The following NFIA variants were observed in gnomAD, a reference collection of about 807,000 sequenced individuals.
NFIA encodes the protein nuclear factor I A.
In NFIA, 8 loss-of-function variants were observed where a neutral mutation model predicts 62.8. The observed-to-expected ratio is 0.13, with a 90% confidence interval of 0.07 to 0.23. NFIA has a LOEUF of 0.23. Ranked by LOEUF, NFIA falls within the 10% of genes least tolerant of loss-of-function variation. The pLI is 1.00. For missense variants in NFIA, 410 were observed against 642.1 expected (o/e 0.64, Z 3.91); for synonymous variants, 235 against 238.1 (o/e 0.99, Z 0.12).
rs555635838 is a variant in NFIA at position 61,166,864 on chromosome 1, G to A, written c.559+78184G>A. On this transcript the variant is annotated intron_variant, in intron 2 of 10. Transcript: ENST00000403491. ...TTACATCTTTTCCTTCCTTCTGGCC[G>A]GGCGCAGTGGCTCACGCCTGTAATC... is the stretch of plus-strand genomic sequence containing the variant. Among the ~76,000 whole-genome samples the A allele has an allele frequency of 4.6e-5, 7 of 152,288 alleles. No individual in the cohort carries two copies. The South Asian group carries it at 6.2e-4, about 14-fold the overall frequency.
intron 2 of NFIA, among the ~76,000 whole-genome samples, chr1:61,254,915 G>A (rs751864966): frequency 6.6e-6 from 1 of 152,200 alleles, no homozygotes; most frequent in Non-Finnish European, 1.5e-5. Context: ...TGTAAGGGGG[G>A]CTTATTATGT....
intron 2 of NFIA, among the ~76,000 whole-genome samples, chr1:61,268,698 T>G (rs997256137): frequency 7.2e-5 from 11 of 152,178 alleles, no homozygotes; most frequent in African/African-American, 2.7e-4. Flanking sequence ...AGAATTAAAT[T>G]AGATATCTAA....
intron 1 of NFIA, among the ~76,000 whole-genome samples, chr1:61,084,243 C>T (rs1646178386): frequency 6.6e-6 from 1 of 152,172 alleles, no homozygotes. Context: ...TCGCTCTCCT[C>T]TCTAGATTCT....
chr1:61,282,783 A>G (rs1658216922), intron 3 of NFIA, among the ~76,000 whole-genome samples: 1 of 152,214 alleles, frequency 6.6e-6, no homozygotes. Context: ...TCTATTTGCC[A>G]TTTCTCATCA....
At chr1:61,344,906 A>G (rs1313095584) in intron 4 of NFIA, among the ~76,000 whole-genome samples, 1 of 152,208 alleles carries the variant, frequency 6.6e-6, no homozygotes, top group Non-Finnish European at 1.5e-5. Flanking sequence ...TCTCTGGTGG[A>G]TGGCAGAAGT....
At chr1:61,328,876 C>T (rs1221781978) in intron 3 of NFIA, among the ~76,000 whole-genome samples, 5 of 151,264 alleles carry the variant, frequency 3.3e-5, no homozygotes, top group African/African-American at 1.2e-4. Context: ...GTACACGTCA[C>T]TACAGCCGGC....
chr1:61,358,253 A>G (rs928523526), intron 5 of NFIA, among the ~76,000 whole-genome samples: 1 of 151,984 alleles, frequency 6.6e-6, no homozygotes, highest in African/African-American at 2.4e-5. Flanking sequence ...TATTTAGAGC[A>G]GGACCTGGAC....
At chr1:61,278,806 G>A (rs149801881) in intron 3 of NFIA, among the ~76,000 whole-genome samples, 72 of 151,138 alleles carry the variant, frequency 4.8e-4, no homozygotes, top group Middle Eastern at 7.6e-3. Context: ...GCGGGGCGGC[G>A]GAAGCTCAGG....
At chr1:61,196,015 ATGT>A (rs1651964153) in intron 2 of NFIA, among the ~76,000 whole-genome samples, 1 of 152,164 alleles carries the variant, frequency 6.6e-6, no homozygotes. Context: ...GAATCCACTA[ATGT>A]TGTTTGCAAA....
chr1:61,440,720 C>G (rs968666647), intron 10 of NFIA, among the ~76,000 whole-genome samples: 1 of 150,482 alleles, frequency 6.6e-6, no homozygotes, highest in African/African-American at 2.4e-5. Flanking sequence ...TGCCAGATTC[C>G]TTTTTCCACA....
intron 2 of NFIA, among the ~76,000 whole-genome samples, chr1:61,177,314 A>G (rs570088442): frequency 3.3e-5 from 5 of 152,286 alleles, no homozygotes; most frequent in Non-Finnish European, 5.9e-5. Context: ...TTATCCGGAG[A>G]TAGTTCAAAG....
At chr1:61,380,336 A>G (rs557423377) in intron 6 of NFIA, among the ~76,000 whole-genome samples, 7 of 152,332 alleles carry the variant, frequency 4.6e-5, no homozygotes, top group African/African-American at 1.7e-4. Flanking sequence ...TTTTTTTAAA[A>G]ATCTGGTACT....
chr1:61,406,542 T>TGGGGGGGC lies in NFIA; in HGVS notation c.1255-19_1255-18insGGGGGGCG. On this transcript the variant is annotated intron_variant, in intron 8 of 10. Coordinates refer to ENST00000403491, the MANE Select transcript of NFIA (RefSeq NM_001134673.4). ...TTCTTTTTCTTGTACGTGTGTTTTC[T>TGGGGGGGC]GCCCCCCCCCCCCCCACAGCCCAAT... 1 of 1,253,830 alleles carries TGGGGGGGC rather than the reference T, an allele frequency of 8.0e-7. No homozygotes were observed. Among genetic ancestry groups the TGGGGGGGC allele is most frequent in the Non-Finnish European group, 1.1e-6 (1 of 931,744 alleles). 77.7% of individuals were successfully genotyped at this position (1,253,830 alleles called of 1,614,324 possible). A position where few individuals can be genotyped will look rare whatever the true frequency, so the allele number is the denominator to read the frequency against.
intron 4 of NFIA, among the ~76,000 whole-genome samples, chr1:61,346,694 C>A (rs1042041828): frequency 6.6e-6 from 1 of 152,168 alleles, no homozygotes; most frequent in Admixed American, 6.5e-5. Context: ...GATTTCCCCA[C>A]CTCCAGAATC....
chr1:61,271,750 G>A (rs1418131647), intron 2 of NFIA, among the ~76,000 whole-genome samples: 1 of 152,154 alleles, frequency 6.6e-6, no homozygotes, highest in African/African-American at 2.4e-5. Flanking sequence ...TTCGATAAAG[G>A]ACTTACTCTG....
chr1:61,395,563 G>A (rs1004040644), intron 7 of NFIA, among the ~76,000 whole-genome samples: 1 of 151,988 alleles, frequency 6.6e-6, no homozygotes, highest in African/African-American at 2.4e-5. Context: ...CAGTAGTATC[G>A]CTTACATGTT....
chr1:61,259,795 T>C (rs1656643158), intron 2 of NFIA, among the ~76,000 whole-genome samples: 1 of 152,220 alleles, frequency 6.6e-6, no homozygotes, highest in Admixed American at 6.5e-5. Context: ...TTCAAATATT[T>C]GGTAGAAAGC....
At chr1:61,183,769 C>G (rs1248940751) in intron 2 of NFIA, among the ~76,000 whole-genome samples, 1 of 152,110 alleles carries the variant, frequency 6.6e-6, no homozygotes, top group Non-Finnish European at 1.5e-5. Context: ...AGGGAGAGAC[C>G]TCCGTGCCTT....
intron 4 of NFIA, among the ~76,000 whole-genome samples, chr1:61,333,215 T>C (rs191928025): frequency 2.0e-5 from 3 of 152,288 alleles, no homozygotes; most frequent in Admixed American, 2.0e-4. Context: ...AAATTTTATT[T>C]TGTTTTACTC....
Sources: allele counts gnomAD v4.1 joint callset (sites outside exome capture counted in the v4.1 genomes callset), GRCh38; gene constraint gnomAD v4.1.1; transcripts MANE v1.5; gene names NCBI Gene and HGNC (gene_info 2026-07-23, HGNC 2026-07-21).